Variants in GALNTL5 observed in about 807,000 individuals in gnomAD.
GALNTL5 encodes the protein polypeptide N-acetylgalactosaminyltransferase like 5, also known as inactive polypeptide N-acetylgalactosaminyltransferase-like protein 5.
Under a neutral mutation model 51.0 loss-of-function variants are expected in GALNTL5, and 44 were observed. The ratio of observed to expected loss-of-function variants is 0.86; its 90% CI spans 0.68 to 1.11. GALNTL5 has a LOEUF of 1.11. GALNTL5 is among the 50% of genes least tolerant of loss of function. The pLI is 0.00. For synonymous variants in GALNTL5, 192 were observed against 182.8 expected, an observed-to-expected ratio of 1.05 and a Z score of -0.41; for missense variants, 528 against 531.8, an observed-to-expected ratio of 0.99 and a Z score of 0.07.
intron 1 of GALNTL5, among the ~76,000 whole-genome samples, chr7:151,957,382 TAAAAAA>T (rs33975032): frequency 7.5e-6 from 1 of 133,360 alleles, no homozygotes; most frequent in Non-Finnish European, 1.6e-5. Context: ...CATCTCTATT[TAAAAAA>T]AAAAAAAAAA....
intron 3 of GALNTL5, among the ~76,000 whole-genome samples, chr7:151,982,625 T>C (rs2081307035): frequency 1.3e-5 from 2 of 149,418 alleles, no homozygotes; most frequent in African/African-American, 2.4e-5. Context: ...TGTCCTGCCA[T>C]GGTGACAGCA....
chr7:151,957,825 G>A (rs1213847255), intron 1 of GALNTL5: 1 of 151,974 alleles, frequency 6.6e-6, no homozygotes, highest in Non-Finnish European at 1.5e-5. Context: ...AACTGAACAT[G>A]GTTTTCTTCT....
chr7:151,972,464 G>C (rs1169795750), intron 3 of GALNTL5, among the ~76,000 whole-genome samples: 1 of 152,058 alleles, frequency 6.6e-6, no homozygotes, highest in Non-Finnish European at 1.5e-5. Context: ...AATGTTAATA[G>C]CCAAGACAAT....
At chr7:151,981,275 T>A (rs1171242016) in intron 3 of GALNTL5, among the ~76,000 whole-genome samples, 2 of 152,196 alleles carry the variant, frequency 1.3e-5, no homozygotes, top group Non-Finnish European at 2.9e-5. Flanking sequence ...AGAATCATAA[T>A]CATGTAATGC....
At chr7:151,980,279 T>C (rs2081262747) in intron 3 of GALNTL5, among the ~76,000 whole-genome samples, 1 of 152,184 alleles carries the variant, frequency 6.6e-6, no homozygotes, top group South Asian at 2.1e-4. Context: ...AGAAGGGGTT[T>C]TGCCATGTTG....
chr7:152,004,290 A>G (rs924104810), intron 6 of GALNTL5, among the ~76,000 whole-genome samples: 65 of 150,994 alleles, frequency 4.3e-4, no homozygotes, highest in African/African-American at 1.5e-3. Context: ...CTGTCAGTAT[A>G]CCTTTGTGTG....
At chr7:151,973,047 G>A (rs2081164515) in intron 3 of GALNTL5, among the ~76,000 whole-genome samples, 1 of 152,134 alleles carries the variant, frequency 6.6e-6, no homozygotes, top group African/African-American at 2.4e-5. Flanking sequence ...GCAGCTGCGG[G>A]GGATGTACCC....
chr7:151,987,759 G>C (rs529878998), intron 5 of GALNTL5, among the ~76,000 whole-genome samples: 3 of 152,236 alleles, frequency 2.0e-5, no homozygotes, highest in Non-Finnish European at 2.9e-5. Flanking sequence ...CTTCTGACCC[G>C]ACACACGTGG....
rs2081073290 is a variant in GALNTL5, at chr7:151,967,385, TC to T, written c.143del (p.Pro48LeufsTer21). 1 of 1,613,978 alleles carries T rather than the reference TC, an allele frequency of 6.2e-7. No homozygotes were observed. Among genetic ancestry groups the T allele is most frequent in the South Asian group, 1.1e-5 (1 of 91,070 alleles). ...KKSQEPLSAW[S>X]PGKKVHQQII... ...AAGCCAGGAGCCTCTGTCAGCTTGG[TC>T]CCCTGGAAAAAAAGTGCATCAGCAA... On this transcript the variant is annotated frameshift_variant, in exon 2 of 9. Transcript: ENST00000392800. LOFTEE classifies it high-confidence loss of function.
intron 3 of GALNTL5, among the ~76,000 whole-genome samples, chr7:151,973,629 T>G (rs151015663): frequency 4.0e-4 from 61 of 152,330 alleles, no homozygotes; most frequent in African/African-American, 1.4e-3. Context: ...ACTAACTTGT[T>G]TTTTATTTTA....
chr7:151,975,818 C>A (rs2081198338), intron 3 of GALNTL5, among the ~76,000 whole-genome samples: 1 of 151,750 alleles, frequency 6.6e-6, no homozygotes, highest in African/African-American at 2.4e-5. Context: ...TTAAAAATTT[C>A]TTCTTTGGCC....
intron 5 of GALNTL5, among the ~76,000 whole-genome samples, chr7:151,998,592 T>C (rs2081529524): frequency 6.6e-6 from 1 of 151,940 alleles, no homozygotes; most frequent in Admixed American, 6.6e-5. Context: ...GCCAACACGG[T>C]GAAACCCCAT....
At chr7:151,979,476 G>T (rs1017234181) in intron 3 of GALNTL5, among the ~76,000 whole-genome samples, 3 of 149,522 alleles carry the variant, frequency 2.0e-5, no homozygotes, top group Admixed American at 1.3e-4. Context: ...GTGGGGGGAG[G>T]GGGGCAGAGT....
At chr7:152,019,085 CACTT>C (rs1199964200) in intron 8 of GALNTL5, among the ~76,000 whole-genome samples, 1 of 152,216 alleles carries the variant, frequency 6.6e-6, no homozygotes, top group African/African-American at 2.4e-5. Flanking sequence ...TCAGACATGA[CACTT>C]AGTATGTGCC....
Position 152,014,812 on chromosome 7 carries a change from A to C in GALNTL5, c.1176+19A>C, listed in dbSNP as rs761495685. The C allele has an allele frequency of 6.3e-7, 1 of 1,590,878 alleles. No homozygotes were observed. Among genetic ancestry groups the C allele is most frequent in the Non-Finnish European group, 8.5e-7 (1 of 1,170,264 alleles). ...ATATAAGGTGGGGAACACATCCTTG[A>C]CTTGGAAAATGTATGCGAGGCCGGA... On this transcript the variant is annotated intron_variant, in intron 8 of 8. Transcript: ENST00000392800.
Position 151,967,339 on chromosome 7 carries a change from T to A in GALNTL5, c.93T>A (p.His31Gln). ...TATTCATATATTTGCACCATAATCA[T>A]GTGAGCAGCTGGCAGAAGAAAAGCC... ...ALLFIYLHHNHVSSWQKKSQE... is the reference protein window; with the variant it reads ...ALLFIYLHHNQVSSWQKKSQE... Residue 31 changes from histidine to glutamine, a missense_variant, in exon 2 of 9, where the codon CAT becomes CAA. By Grantham distance (24) the His-to-Gln change is conservative. Transcript: ENST00000392800. The A allele has an allele frequency of 6.2e-7, 1 of 1,614,170 alleles. No individual in the cohort carries two copies. Among genetic ancestry groups the A allele is most frequent in the Non-Finnish European group, 8.5e-7 (1 of 1,180,010 alleles).
Position 151,960,043 on chromosome 7 carries a change from G to A in GALNTL5, c.-40+3434G>A, listed in dbSNP as rs143999969. 6 of 152,260 alleles carry A rather than the reference G, an allele frequency of 3.9e-5. No individual in the cohort carries two copies. In the East Asian group the frequency reaches 1.2e-3, roughly 29 times the overall value. 9.4% of individuals were successfully genotyped at this position (152,260 alleles called of 1,614,324 possible). A position where few individuals can be genotyped will look rare whatever the true frequency, so the allele number is the denominator to read the frequency against. ...TCTGCTGCCCAGATAATCAGGCCCT[G>A]GGCATGATCCTCAGCTCTCCCCGCC... On this transcript the variant is annotated intron_variant, in intron 1 of 8. Transcript: ENST00000392800.
chr7:151,974,983 T>G (rs374706247), intron 3 of GALNTL5, among the ~76,000 whole-genome samples: 59 of 152,218 alleles, frequency 3.9e-4, no homozygotes, highest in Non-Finnish European at 4.4e-5. Context: ...TACCACTATC[T>G]GGAGTCCAAC....
Position 152,007,816 on chromosome 7 carries a change from C to T in GALNTL5, c.909-11C>T. On this transcript the variant is annotated splice_polypyrimidine_tract_variant and intron_variant, in intron 6 of 8. Transcript: ENST00000392800. ...TGTGAAATTAATTTCATATTTATGT[C>T]CCCTTTCTAGGTCACCTGCAATGTC... 2 of 1,400,454 alleles carry T rather than the reference C, an allele frequency of 1.4e-6. No homozygotes were observed. Among genetic ancestry groups the T allele is most frequent in the Non-Finnish European group, 2.0e-6 (2 of 986,734 alleles). 86.8% of individuals were successfully genotyped at this position (1,400,454 alleles called of 1,614,324 possible).
Sources: gnomAD v4.1 joint callset for allele counts (sites outside exome capture counted in the v4.1 genomes callset) on GRCh38, gnomAD v4.1.1 for gene constraint, MANE v1.5 for transcripts, NCBI Gene and HGNC (gene_info 2026-07-23, HGNC 2026-07-21) for gene names.